Variants in ABCA5 observed in about 807,000 individuals in gnomAD.
ABCA5 encodes the protein ATP binding cassette subfamily A member 5, also known as cholesterol transporter ABCA5.
ABCA5 carries 163 observed loss-of-function variants against 206.0 expected under a neutral mutation model. The ratio of observed to expected loss-of-function variants is 0.79; its 90% CI spans 0.70 to 0.90. ABCA5 has a LOEUF of 0.90. ABCA5 is among the 40% of genes least tolerant of loss of function. The probability of loss-of-function intolerance (pLI) is 0.00; values close to 1 mark genes in which losing one functional copy is unlikely to be tolerated. For missense variants in ABCA5, 1,859 were observed against 1,912.9 expected, an observed-to-expected ratio of 0.97 and a Z score of 0.53; for synonymous variants, 609 against 613.8, an observed-to-expected ratio of 0.99 and a Z score of 0.11.
chr17:69,320,630 A>C (rs566221878), intron 1 of ABCA5, among the ~76,000 whole-genome samples: 1 of 152,354 alleles, frequency 6.6e-6, no homozygotes, highest in Admixed American at 6.5e-5. Flanking sequence ...AACATTCTTA[A>C]CATTAATTCT....
Position 69,325,170 on chromosome 17 carries a change from G to A in ABCA5, c.-16+1882C>T, listed in dbSNP as rs527742065. Among the ~76,000 whole-genome samples the A allele has an allele frequency of 6.5e-4, 97 of 150,178 alleles. 1 individual carries two copies. Among genetic ancestry groups the A allele is most frequent in the Admixed American group, 3.9e-3 (59 of 15,040 alleles). ...AAAAAAAAAAAAAAAATAGCCAGGC[G>A]TAGGGGCACACAACTGTGGTCCCAG... On this transcript the variant is annotated intron_variant, in intron 1 of 38. Coordinates refer to ENST00000392676, the MANE Select transcript of ABCA5 (RefSeq NM_172232.4).
intron 4 of ABCA5, 92 bp from the exon 5 acceptor site, chr17:69,308,460 A>G: frequency 1.3e-6 from 1 of 775,812 alleles, no homozygotes; most frequent in Non-Finnish European, 2.2e-6. Context: ...CTACCAAAAC[A>G]ATATAATCAA....
intron 9 of ABCA5, among the ~76,000 whole-genome samples, chr17:69,300,209 C>A (rs2075637733): frequency 6.6e-6 from 1 of 152,186 alleles, no homozygotes; most frequent in African/African-American, 2.4e-5. Context: ...GCATTAGATT[C>A]TCATAAGAAG....
At chr17:69,295,955 T>C (rs1391177158) in intron 10 of ABCA5, among the ~76,000 whole-genome samples, 1 of 152,188 alleles carries the variant, frequency 6.6e-6, no homozygotes, top group Non-Finnish European at 1.5e-5. Context: ...TTAAAGAAGG[T>C]ACAAGAGAAA....
At chr17:69,302,663 C>A in intron 8 of ABCA5, 55 bp downstream of exon 8, 14 of 1,257,310 alleles carry the variant, frequency 1.1e-5, no homozygotes, top group Non-Finnish European at 1.4e-5. Context: ...GTATAAGAAG[C>A]TACATAAAAC....
rs1342043596 is a variant in ABCA5 at position 69,285,941 on chromosome 17, T to C, written c.2229A>G (p.Gln743=). Residue 743 remains glutamine (Q), a synonymous_variant, in exon 17 of 39, where the codon CAA becomes CAG. Transcript: ENST00000392676. The part of the protein sequence containing the change: ...GATLLQQNDQ[Q]LVYSLPFKDM... ...CCTTGAAAGGCAAGCTATACACAAG[T>C]TGTTGGTCATTCTGTTGTAATAAAG... 15 of 1,613,292 alleles carry C rather than the reference T, an allele frequency of 9.3e-6. No individual in the cohort carries two copies. The highest frequency in any genetic ancestry group is 1.2e-5 in the Non-Finnish European group (14 of 1,179,546).
In ABCA5 at chr17:69,256,169, C is replaced by T; in HGVS notation, c.3846G>A (p.Gln1282=). Reference sequence around the variant, plus strand: ...AAGAATAAATTACCTCCTCACAACACTGGCAACCCATCAGCTCTTTGACCT... The same window carrying T: ...AAGAATAAATTACCTCCTCACAACATTGGCAACCCATCAGCTCTTTGACCT... ...RLKVKELMGC[Q]CCEEKPSIMV... is the part of the protein sequence containing the mutation. Residue 1282 remains glutamine (Q), a synonymous_variant, in exon 29 of 39, where the codon CAG becomes CAA. Transcript: ENST00000392676. 6.2e-7 allele frequency: 1 copy of T among 1,603,962 alleles called. No homozygotes were observed. Among genetic ancestry groups the T allele is most frequent in the Non-Finnish European group, 8.5e-7 (1 of 1,175,734 alleles).
intron 1 of ABCA5, chr17:69,317,626 A>C (rs562886513): frequency 1.3e-5 from 2 of 152,244 alleles, no homozygotes; most frequent in South Asian, 4.1e-4. Flanking sequence ...TTACAAGGTA[A>C]GGAGTTTTAC....
chr17:69,299,481 C>CACACAA (rs1555583149), intron 9 of ABCA5, among the ~76,000 whole-genome samples: 1 of 151,402 alleles, frequency 6.6e-6, no homozygotes, highest in African/African-American at 2.4e-5. Flanking sequence ...TACACACACA[C>CACACAA]ACACACACAC....
chr17:69,315,811 A>G (rs1021732225), intron 1 of ABCA5, among the ~76,000 whole-genome samples: 2 of 151,888 alleles, frequency 1.3e-5, no homozygotes, highest in African/African-American at 4.8e-5. Flanking sequence ...CAACTCTACT[A>G]AGAAAATAAA....
At position 69,320,692 on chromosome 17, in the gene ABCA5, T is replaced by G. The variant is rs762170444; in HGVS notation, c.-15-6262A>C. Among the ~76,000 whole-genome samples, 3 of 152,204 alleles carry G rather than the reference T, an allele frequency of 2.0e-5. No homozygotes were observed. The South Asian group carries it at 6.2e-4, about 31-fold the overall frequency. On this transcript the variant is annotated intron_variant, in intron 1 of 38. Coordinates refer to ENST00000392676, the MANE Select transcript of ABCA5 (RefSeq NM_172232.4). ...ATCTAAAACAGAAACTTCAAAGCTA[T>G]AGTCAGGTCTTTGTAAACTAACCCA...
chr17:69,283,118 T>C (rs553032449), intron 18 of ABCA5, among the ~76,000 whole-genome samples: 1 of 151,738 alleles, frequency 6.6e-6, no homozygotes, highest in Admixed American at 6.6e-5. Context: ...TCTAGAGTAG[T>C]TGGGACTATA....
chr17:69,254,356 G>C lies in ABCA5; in HGVS notation c.4203C>G (p.Val1401=), dbSNP rs1183128757. The change falls in exon 32 of 39, where the codon GTC becomes GTG. Residue 1401 remains valine (V), a synonymous_variant. Transcript: ENST00000392676. ...LQEHFEIYGA[V]KGMSASDMKE... ...TCATGTCACTTGCACTCATTCCTTTGACAGCTCCATAAATTTCAAAATGTT... is the reference window on the plus strand; with the variant it reads ...TCATGTCACTTGCACTCATTCCTTTCACAGCTCCATAAATTTCAAAATGTT... 7.4e-6 allele frequency: 12 copies of C among 1,613,048 alleles called. No individual in the cohort carries two copies. Among genetic ancestry groups the C allele is most frequent in the Non-Finnish European group, 8.5e-6 (10 of 1,179,602 alleles).
rs2075648260 is a variant in ABCA5 at position 69,301,142 on chromosome 17, G to C, written c.1264C>G (p.Pro422Ala). The C allele has an allele frequency of 6.6e-7, 1 of 1,521,492 alleles. No homozygotes were observed. The highest frequency in any genetic ancestry group is 8.7e-7 in the Non-Finnish European group (1 of 1,143,366). The allele number at this position is 1,521,492 out of a possible 1,614,324, so 94.2% of individuals were successfully genotyped here. ...LLAVYLDQVI[P>A]GEFGLRRSSL... Reference sequence around the variant, plus strand: ...AATTCAAAAACCATCTGCATACCTGGAATGACTTGATCAAGATAGACAGCC... The same window carrying C: ...AATTCAAAAACCATCTGCATACCTGCAATGACTTGATCAAGATAGACAGCC... The change falls in exon 9 of 39, where the codon CCA (proline) becomes GCA (alanine). Residue 422 changes from proline (P) to alanine (A), a missense_variant. By Grantham distance (27) the Pro-to-Ala change is conservative. Coordinates refer to ENST00000392676, the MANE Select transcript of ABCA5 (RefSeq NM_172232.4).
chr17:69,313,600 A>C (rs184389436), intron 2 of ABCA5, among the ~76,000 whole-genome samples: 524 of 152,288 alleles, frequency 3.4e-3, no homozygotes, highest in Non-Finnish European at 5.7e-3. Context: ...GACATAAAAC[A>C]TAATAAATTT....
At chr17:69,273,875 T>C (rs987382584) in intron 20 of ABCA5, 84 bp downstream of exon 20, 7 of 1,310,962 alleles carry the variant, frequency 5.3e-6, no homozygotes, top group Admixed American at 5.0e-5. Flanking sequence ...ACCTTAAATA[T>C]AGTTTTAAAA....
rs558258603 is a variant in ABCA5 at position 69,245,919 on chromosome 17, G to A, written c.*1618C>T. The A allele has an allele frequency of 6.6e-6, 1 of 152,062 alleles. No homozygotes were observed. The highest frequency in any genetic ancestry group is 2.1e-4 in the South Asian group (1 of 4,828). 9.4% of individuals were successfully genotyped at this position (152,062 alleles called of 1,614,324 possible). The stretch of plus-strand genomic sequence containing the variant: ...ACTATGCTTTTTCGTGACTGCCTTA[G>A]TAAACTATAGATATAATTTTGTTGC... On this transcript the variant is annotated 3_prime_UTR_variant, in exon 39 of 39. Coordinates refer to ENST00000392676, the MANE Select transcript of ABCA5 (RefSeq NM_172232.4).
intron 19 of ABCA5, among the ~76,000 whole-genome samples, chr17:69,274,982 G>A (rs554314867): frequency 4.2e-4 from 64 of 151,604 alleles, no homozygotes; most frequent in African/African-American, 1.5e-3. Context: ...TAGGTGGGAC[G>A]ACTGGCATGT....
chr17:69,274,809 T>C (rs1476299696), intron 19 of ABCA5, among the ~76,000 whole-genome samples: 1 of 151,596 alleles, frequency 6.6e-6, no homozygotes, highest in Non-Finnish European at 1.5e-5. Flanking sequence ...AAGGAATTAC[T>C]TCCTGTCCTG....
Sources: allele counts gnomAD v4.1 joint callset (sites outside exome capture counted in the v4.1 genomes callset), GRCh38; gene constraint gnomAD v4.1.1; transcripts MANE v1.5; gene names NCBI Gene and HGNC (gene_info 2026-07-23, HGNC 2026-07-21).